Variants in UST observed in about 807,000 individuals in gnomAD.
The protein encoded by UST is uronyl 2-sulfotransferase.
In UST, 21 loss-of-function variants were observed where a neutral mutation model predicts 45.6. The observed-to-expected ratio is 0.46, with a 90% CI of 0.33 to 0.66. The LOEUF is 0.66. Among genes scored for constraint, UST ranks in the 30% least tolerant of loss-of-function variants. The pLI is 0.02. For synonymous variants in UST, 215 were observed against 200.6 expected (o/e 1.07, Z -0.61); for missense variants, 463 against 512.4 (o/e 0.90, Z 0.93).
intron 1 of UST, among the ~76,000 whole-genome samples, chr6:148,760,473 A>T (rs1291746870): frequency 6.6e-6 from 1 of 152,174 alleles, no homozygotes; most frequent in African/African-American, 2.4e-5. Flanking sequence ...GTTCTTCTGG[A>T]AGCTATATAG....
chr6:148,783,951 C>G (rs572504540), intron 1 of UST, among the ~76,000 whole-genome samples: 74 of 152,250 alleles, frequency 4.9e-4, no homozygotes, highest in Middle Eastern at 3.4e-3. Flanking sequence ...GTCACACAAC[C>G]CGGCCTAGAA....
rs57552256 is a variant in UST, at chr6:148,993,956, CTTTTTTTTTT to C, written c.682-25164_682-25155del. ...TTACCCAGTCTTGAATATTTCTTTCCTTTTTTTTTTTTTTTTTTTTTTTTTTTTGTTGAGA... is the reference window on the plus strand; with the variant it reads ...TTACCCAGTCTTGAATATTTCTTTCCTTTTTTTTTTTTTTTTTTGTTGAGA... On this transcript the variant is annotated intron_variant, in intron 5 of 7. Coordinates refer to ENST00000367463, the MANE Select transcript of UST (RefSeq NM_005715.3). 4.8e-3 allele frequency among the ~76,000 whole-genome samples: 457 copies of C among 95,394 alleles called. 4 individuals are homozygous for C. The highest frequency in any genetic ancestry group is 0.019 in the African/African-American group (418 of 21,890). 62.6% of individuals were successfully genotyped at this position (95,394 alleles called of 152,430 possible).
At chr6:148,766,389 C>G (rs142433268) in intron 1 of UST, among the ~76,000 whole-genome samples, 12 of 151,826 alleles carry the variant, frequency 7.9e-5, no homozygotes, top group African/African-American at 2.7e-4. Context: ...CTCTCACCCA[C>G]GCACCCACTT....
chr6:149,052,181 TA>T (rs1216351967), intron 7 of UST, among the ~76,000 whole-genome samples: 1 of 152,226 alleles, frequency 6.6e-6, no homozygotes. Flanking sequence ...TTTCATAAAG[TA>T]TCATTAACAC....
intron 1 of UST, among the ~76,000 whole-genome samples, chr6:148,766,519 C>T (rs1441301889): frequency 4.6e-5 from 7 of 152,112 alleles, no homozygotes; most frequent in African/African-American, 4.8e-5. Context: ...AGATAATCAC[C>T]GTATTCATGG....
chr6:148,898,966 G>A (rs1779189984), intron 2 of UST, among the ~76,000 whole-genome samples: 1 of 152,138 alleles, frequency 6.6e-6, no homozygotes, highest in African/African-American at 2.4e-5. Flanking sequence ...TCAAGAAACT[G>A]CTTTAGCAAA....
intron 2 of UST, among the ~76,000 whole-genome samples, chr6:148,924,583 A>T (rs1469999886): frequency 6.6e-6 from 1 of 152,150 alleles, no homozygotes; most frequent in Non-Finnish European, 1.5e-5. Context: ...CCTCCTGTGC[A>T]TTGCATTTGA....
chr6:148,843,839 GT>G (rs1272712262), intron 1 of UST, among the ~76,000 whole-genome samples: 1 of 151,836 alleles, frequency 6.6e-6, no homozygotes, highest in African/African-American at 2.4e-5. Flanking sequence ...TTTGTGTTTT[GT>G]TTTTTTTCTC....
Position 148,748,402 on chromosome 6 carries a change from TG to T in UST, c.247+726del, listed in dbSNP as rs1775920374. Among the ~76,000 whole-genome samples, 2 of 9,012 alleles carry T rather than the reference TG, an allele frequency of 2.2e-4. No homozygotes were observed. The highest frequency in any genetic ancestry group is 2.4e-3 in the East Asian group (1 of 422). 5.9% of individuals were successfully genotyped at this position (9,012 alleles called of 152,430 possible). A position where few individuals can be genotyped will look rare whatever the true frequency, so the allele number is the denominator to read the frequency against. The stretch of plus-strand genomic sequence containing the variant: ...CGTCTCAAGCTCAAGTCAAAACTTG[TG>T]TGTGTGTGTGTGTGTGTGTGTGTGT... On this transcript the variant is annotated intron_variant, in intron 1 of 7. Coordinates refer to ENST00000367463, the MANE Select transcript of UST (RefSeq NM_005715.3). The surrounding 1 kb of genome is among the most constrained non-coding windows in gnomAD (Gnocchi z 5.3).
At chr6:148,764,762 A>T (rs1776288966) in intron 1 of UST, among the ~76,000 whole-genome samples, 5 of 152,308 alleles carry the variant, frequency 3.3e-5, no homozygotes, top group Admixed American at 1.3e-4. Context: ...ACAAAAGGTC[A>T]CAAGGCAGAA....
At chr6:148,814,104 TGCCATCACCAA>T (rs1257820229) in intron 1 of UST, among the ~76,000 whole-genome samples, 1 of 152,162 alleles carries the variant, frequency 6.6e-6, no homozygotes, top group Non-Finnish European at 1.5e-5. Context: ...CTCAATAAAT[TGCCATCACCAA>T]GTTAAATGAT....
At chr6:149,060,572 T>C (rs1776639021) in intron 7 of UST, among the ~76,000 whole-genome samples, 1 of 152,132 alleles carries the variant, frequency 6.6e-6, no homozygotes, top group Non-Finnish European at 1.5e-5. Context: ...TTCACACAGT[T>C]TTGGGAGCGG....
chr6:148,785,200 TAAA>T (rs201558073), intron 1 of UST, among the ~76,000 whole-genome samples: 1 of 128,076 alleles, frequency 7.8e-6, no homozygotes, highest in African/African-American at 2.9e-5. Flanking sequence ...GACTCCATCT[TAAA>T]AAAAAAAAAA....
At chr6:148,839,697 T>C (rs1047906300) in intron 1 of UST, among the ~76,000 whole-genome samples, 1 of 152,186 alleles carries the variant, frequency 6.6e-6, no homozygotes, top group African/African-American at 2.4e-5. Flanking sequence ...GCTTCTCTGA[T>C]ATCAGCTTCT....
intron 2 of UST, among the ~76,000 whole-genome samples, chr6:148,928,330 T>C (rs1779857425): frequency 6.6e-6 from 1 of 152,270 alleles, no homozygotes; most frequent in African/African-American, 2.4e-5. Flanking sequence ...AGAAGTTTTA[T>C]ATCCATCCAG....
intron 5 of UST, among the ~76,000 whole-genome samples, chr6:148,985,802 C>T (rs1781228443): frequency 6.6e-6 from 1 of 152,182 alleles, no homozygotes; most frequent in African/African-American, 2.4e-5. Flanking sequence ...CATTACTCTT[C>T]TCTTAAAAAA....
intron 1 of UST, among the ~76,000 whole-genome samples, chr6:148,796,623 CA>C (rs11465084): frequency 1.6e-3 from 145 of 88,906 alleles, no homozygotes; most frequent in African/African-American, 3.0e-3. Flanking sequence ...GACTCTGTCT[CA>C]AAAAAAAAAA....
intron 2 of UST, among the ~76,000 whole-genome samples, chr6:148,900,221 T>C (rs979911717): frequency 6.6e-6 from 1 of 152,192 alleles, no homozygotes. Context: ...TGGGGTCTTC[T>C]TGCCTGCTCC....
intron 2 of UST, among the ~76,000 whole-genome samples, chr6:148,889,571 T>C (rs1778976607): frequency 6.6e-6 from 1 of 152,020 alleles, no homozygotes; most frequent in African/African-American, 2.4e-5. Flanking sequence ...TATTATTGAG[T>C]TGGATTAGGT....
Sources: allele counts gnomAD v4.1 joint callset (sites outside exome capture counted in the v4.1 genomes callset), GRCh38; gene constraint gnomAD v4.1.1; non-coding constraint Gnocchi (gnomAD v3.1); transcripts MANE v1.5; gene names NCBI Gene and HGNC (gene_info 2026-07-23, HGNC 2026-07-21).